Variants in BNC2 observed in about 807,000 individuals in gnomAD.
The protein encoded by BNC2 is basonuclin zinc finger protein 2.
A neutral mutation model predicts 76.3 loss-of-function variants in BNC2; 20 were observed. The observed-to-expected ratio is 0.26, with a 90% CI of 0.18 to 0.38. The LOEUF (loss-of-function observed/expected upper bound fraction) is 0.38. Ranked by LOEUF, BNC2 falls within the 10% of genes least tolerant of loss-of-function variation. The pLI, the probability that BNC2 is intolerant of heterozygous loss-of-function variation, is 1.00. For synonymous variants in BNC2, 582 were observed against 514.8 expected (o/e 1.13, Z -1.77); for missense variants, 1,382 against 1,399.8 (o/e 0.99, Z 0.20).
intron 5 of BNC2, among the ~76,000 whole-genome samples, chr9:16,512,896 G>A (rs2131949207): frequency 6.7e-6 from 1 of 149,146 alleles, no homozygotes; most frequent in South Asian, 2.2e-4. Flanking sequence ...AACACTTTGG[G>A]AGGCTGAGGG....
At chr9:16,823,985 T>C (rs1406155744) in intron 1 of BNC2, among the ~76,000 whole-genome samples, 2 of 152,250 alleles carry the variant, frequency 1.3e-5, no homozygotes, top group Admixed American at 1.3e-4. Context: ...AATGGATTAA[T>C]GAATACATTT....
chr9:16,494,378 C>G (rs1311366356), intron 5 of BNC2, among the ~76,000 whole-genome samples: 1 of 151,946 alleles, frequency 6.6e-6, no homozygotes, highest in African/African-American at 2.4e-5. Flanking sequence ...GTCTCGATCT[C>G]TTGAACTCAT....
At chr9:16,782,867 A>C (rs142227212) in intron 1 of BNC2, among the ~76,000 whole-genome samples, 1 of 152,326 alleles carries the variant, frequency 6.6e-6, no homozygotes, top group East Asian at 1.9e-4. Flanking sequence ...GGAAAAAGTG[A>C]ATGTATTAAT....
intron 3 of BNC2, among the ~76,000 whole-genome samples, chr9:16,615,675 C>T (rs1411372500): frequency 6.6e-6 from 1 of 152,070 alleles, no homozygotes; most frequent in Admixed American, 6.5e-5. Context: ...TCTTCATTTC[C>T]TTATGAAGGA....
chr9:16,796,522 A>G (rs1817653676), intron 1 of BNC2, among the ~76,000 whole-genome samples: 1 of 151,092 alleles, frequency 6.6e-6, no homozygotes. Context: ...CAGTAAGCCG[A>G]GATCACGTCA....
chr9:16,685,163 A>G (rs1328308126), intron 3 of BNC2, among the ~76,000 whole-genome samples: 4 of 152,190 alleles, frequency 2.6e-5, no homozygotes, highest in African/African-American at 7.2e-5. Context: ...ACTGCTGAAT[A>G]TATGTCAGGT....
chr9:16,599,041 T>C lies in BNC2; in HGVS notation c.331-15956A>G, dbSNP rs953729396. On this transcript the variant is annotated intron_variant, in intron 3 of 6. Coordinates refer to ENST00000380672, the MANE Select transcript of BNC2 (RefSeq NM_017637.6). ...TCTCTCCAATATCCATTCACCCATA[T>C]AAAAACAACTGAACATTAAAATGTA... is the stretch of plus-strand genomic sequence containing the variant. Among the ~76,000 whole-genome samples, 3 of 152,200 alleles carry C rather than the reference T, an allele frequency of 2.0e-5. No individual in the cohort carries two copies. In the East Asian group the frequency reaches 5.8e-4, roughly 29 times the overall value.
At chr9:16,559,235 C>G (rs2132648715) in intron 4 of BNC2, among the ~76,000 whole-genome samples, 1 of 152,088 alleles carries the variant, frequency 6.6e-6, no homozygotes, top group South Asian at 2.1e-4. Flanking sequence ...GAATGCGGCC[C>G]AATACAAATT....
At chr9:16,616,064 C>G (rs1404128074) in intron 3 of BNC2, among the ~76,000 whole-genome samples, 1 of 152,090 alleles carries the variant, frequency 6.6e-6, no homozygotes, top group Non-Finnish European at 1.5e-5. Flanking sequence ...GCAACTGTGT[C>G]CAGTTGATAA....
At chr9:16,590,966 C>CTTA (rs1819914517) in intron 3 of BNC2, among the ~76,000 whole-genome samples, 1 of 152,134 alleles carries the variant, frequency 6.6e-6, no homozygotes, top group Non-Finnish European at 1.5e-5. Flanking sequence ...AGAGAGTGAT[C>CTTA]TTATAAACAT....
chr9:16,839,134 T>A (rs1326429724), intron 1 of BNC2, among the ~76,000 whole-genome samples: 2 of 152,348 alleles, frequency 1.3e-5, no homozygotes, highest in Admixed American at 1.3e-4. Flanking sequence ...CAATTCTGGA[T>A]AATTTTCTCA....
At chr9:16,575,061 T>C (rs1180050740) in intron 4 of BNC2, among the ~76,000 whole-genome samples, 1 of 152,230 alleles carries the variant, frequency 6.6e-6, no homozygotes, top group African/African-American at 2.4e-5. Context: ...ATACTATGTA[T>C]GAGGCATCTG....
chr9:16,623,012 G>A (rs1047026045), intron 3 of BNC2, among the ~76,000 whole-genome samples: 1 of 152,062 alleles, frequency 6.6e-6, no homozygotes, highest in Non-Finnish European at 1.5e-5. Context: ...CTGAATCAAA[G>A]AAAGAAAACA....
intron 1 of BNC2, among the ~76,000 whole-genome samples, chr9:16,857,735 G>A (rs1819300008): frequency 6.6e-6 from 1 of 152,114 alleles, no homozygotes; most frequent in African/African-American, 2.4e-5. Flanking sequence ...AAAATAACTG[G>A]CAAAAGGCCA....
Position 16,503,342 on chromosome 9 carries a change from G to A in BNC2, c.669+49188C>T, listed in dbSNP as rs1014349015. ...GGCCAAGCTCCAAACACTATACCAC[G>A]GATGTGCAGAAGGAGACAAATTAAC... is the stretch of plus-strand genomic sequence containing the variant. On this transcript the variant is annotated intron_variant, in intron 5 of 6. Coordinates refer to ENST00000380672, the MANE Select transcript of BNC2 (RefSeq NM_017637.6). Among the ~76,000 whole-genome samples, 11 of 152,084 alleles carry A rather than the reference G, an allele frequency of 7.2e-5. 1 individual carries two copies. Among genetic ancestry groups the A allele is most frequent in the Admixed American group, 3.9e-4 (6 of 15,270 alleles).
At chr9:16,836,069 A>C (rs1028520245) in intron 1 of BNC2, among the ~76,000 whole-genome samples, 1 of 152,170 alleles carries the variant, frequency 6.6e-6, no homozygotes, top group African/African-American at 2.4e-5. Flanking sequence ...TTAATCTCTA[A>C]AGGCCTACAG....
chr9:16,659,907 T>C (rs1822058810), intron 3 of BNC2, among the ~76,000 whole-genome samples: 1 of 152,184 alleles, frequency 6.6e-6, no homozygotes, highest in Non-Finnish European at 1.5e-5. Context: ...TAGAATATAA[T>C]CTCCAAGGGG....
chr9:16,569,949 C>A (rs143623209), intron 4 of BNC2, among the ~76,000 whole-genome samples: 2,721 of 152,292 alleles, frequency 0.018, 36 homozygotes, highest in Non-Finnish European at 0.024. Context: ...ATACACAGTA[C>A]ACTGACTATA....
intron 5 of BNC2, among the ~76,000 whole-genome samples, chr9:16,532,251 T>G (rs944443807): frequency 6.6e-6 from 1 of 152,100 alleles, no homozygotes; most frequent in African/African-American, 2.4e-5. Flanking sequence ...AATTTTGCAA[T>G]GAAAATCTTT....
Sources: gnomAD v4.1 joint callset for allele counts (sites outside exome capture counted in the v4.1 genomes callset) on GRCh38, gnomAD v4.1.1 for gene constraint, MANE v1.5 for transcripts, NCBI Gene and HGNC (gene_info 2026-07-23, HGNC 2026-07-21) for gene names.